The following SERHL2 variants were observed in gnomAD, a reference collection of about 807,000 sequenced individuals.
The protein encoded by SERHL2 is serine hydrolase-like protein 2.
A neutral mutation model predicts 25.5 loss-of-function variants in SERHL2; 29 were observed. That is an observed-to-expected ratio of 1.14 (90% CI 0.85 to 1.55). The LOEUF (loss-of-function observed/expected upper bound fraction) is 1.55. Among genes scored for constraint, SERHL2 ranks in the 40% most tolerant of loss-of-function variants. SERHL2 has a pLI of 0.00. For synonymous variants in SERHL2, 95 were observed against 103.5 expected (o/e 0.92, Z 0.50); for missense variants, 240 against 252.3 (o/e 0.95, Z 0.33).
intron 9 of SERHL2, among the ~76,000 whole-genome samples, chr22:42,567,999 G>C (rs1234263236): frequency 6.6e-6 from 1 of 151,644 alleles, no homozygotes; most frequent in Non-Finnish European, 1.5e-5. Context: ...CAAAGTGCTG[G>C]GATTACAGGC....
intron 9 of SERHL2, among the ~76,000 whole-genome samples, chr22:42,567,941 G>T (rs1923634483): frequency 1.3e-5 from 2 of 151,602 alleles, no homozygotes; most frequent in South Asian, 4.2e-4. Flanking sequence ...TGTTGTCCAG[G>T]CTGGTCTCGA....
At chr22:42,560,737 T>A (rs1476518217) in intron 8 of SERHL2, among the ~76,000 whole-genome samples, 2 of 151,902 alleles carry the variant, frequency 1.3e-5, no homozygotes, top group East Asian at 1.9e-4. Context: ...TTTTTTTCTT[T>A]CGTTCTTTTT....
intron 1 of SERHL2, among the ~76,000 whole-genome samples, chr22:42,554,460 G>A (rs1921986784): frequency 6.6e-6 from 1 of 152,176 alleles, no homozygotes; most frequent in Admixed American, 6.5e-5. Context: ...CCTGCTCTGT[G>A]GAGGGAGAGT....
chr22:42,554,496 A>G (rs1316313152), intron 1 of SERHL2, among the ~76,000 whole-genome samples: 56 of 152,290 alleles, frequency 3.7e-4, no homozygotes, highest in East Asian at 7.7e-4. Context: ...TGCTGCGTGT[A>G]TGAGGGTTTG....
rs779597291 is a variant in SERHL2 at position 42,574,044 on chromosome 22, G to A, written c.934G>A (p.Ala312Thr). Residue 312 changes from alanine (A) to threonine (T), a missense_variant, in exon 12 of 12, where the codon GCC (alanine) becomes ACC (threonine). Ala to Thr is a moderately conservative substitution (Grantham distance 58). Coordinates refer to ENST00000327678, the MANE Select transcript of SERHL2 (RefSeq NM_014509.5). ...CTTACAGTGCACACACATGCTCCCA[G>A]CCCAGCTGTAGCTCTGGGCCTGGAA... ...SFLQCTHMLPAQL is the reference protein window; with the variant it reads ...SFLQCTHMLPTQL The A allele has an allele frequency of 1.4e-5, 22 of 1,611,770 alleles. No individual in the cohort carries two copies. In the Admixed American group the frequency reaches 2.8e-4, roughly 21 times the overall value.
intron 8 of SERHL2, among the ~76,000 whole-genome samples, chr22:42,561,914 G>A (rs1569276316): frequency 6.6e-6 from 1 of 151,814 alleles, no homozygotes; most frequent in Non-Finnish European, 1.5e-5. Flanking sequence ...GGAGCCCCAG[G>A]CACAGAAGTG....
intron 9 of SERHL2, among the ~76,000 whole-genome samples, chr22:42,570,720 T>A (rs955171211): frequency 6.6e-6 from 1 of 152,158 alleles, no homozygotes; most frequent in Non-Finnish European, 1.5e-5. Flanking sequence ...TGTCCCAGGC[T>A]GGCAGGGGAC....
chr22:42,562,192 C>T (rs1004071884), intron 8 of SERHL2, among the ~76,000 whole-genome samples: 3 of 151,818 alleles, frequency 2.0e-5, no homozygotes, highest in African/African-American at 7.3e-5. Flanking sequence ...CAGAACCCCC[C>T]ACCCAGTGCC....
rs778326624 is a variant in SERHL2, at chr22:42,560,198, C to G, written c.546C>G (p.Ser182Arg). The change falls in exon 8 of 12, where the codon AGC becomes AGG. Residue 182 changes from serine (S) to arginine (R), a missense_variant. Transcript: ENST00000327678. ...LKQLLQRLLK[S>R]NSHLSEECGE... ...TGTCTCCCCCCAGGTTACTGAAGAG[C>G]AATAGCCACTTGAGTGAGGAGTGCG... 1.2e-6 allele frequency: 2 copies of G among 1,612,224 alleles called. No homozygotes were observed. Among genetic ancestry groups the G allele is most frequent in the Admixed American group, 3.3e-5 (2 of 60,012 alleles).
chr22:42,567,623 C>T (rs1393144330), intron 9 of SERHL2, among the ~76,000 whole-genome samples: 1 of 151,342 alleles, frequency 6.6e-6, no homozygotes, highest in Non-Finnish European at 1.5e-5. Flanking sequence ...GAGATTGCGC[C>T]ACTGCAGTTC....
chr22:42,556,451 G>A (rs578026652), intron 5 of SERHL2, 63 bp from the exon 6 acceptor site: 1 of 1,608,104 alleles, frequency 6.2e-7, no homozygotes, highest in Admixed American at 1.7e-5. Context: ...GGTCCCCAGG[G>A]AAAGGCGGGA....
chr22:42,573,792 C>A (rs906572637), intron 11 of SERHL2, 144 bp from the exon 12 acceptor site: 55 of 798,092 alleles, frequency 6.9e-5, no homozygotes, highest in Non-Finnish European at 1.0e-4. Context: ...CTCCAAGGAG[C>A]CGAGTGTGGG....
intron 8 of SERHL2, among the ~76,000 whole-genome samples, chr22:42,561,282 C>T (rs8135177): frequency 0.14 from 21,734 of 151,698 alleles, 2,841 homozygotes; most frequent in East Asian, 0.6. Context: ...ATGTGCTAAG[C>T]TGGGCAACAC....
At chr22:42,573,797 T>C in intron 11 of SERHL2, 139 bp from the exon 12 acceptor site, 1 of 806,742 alleles carries the variant, frequency 1.2e-6, no homozygotes, top group Admixed American at 2.3e-5. Flanking sequence ...AGGAGCCGAG[T>C]GTGGGGGAAA....
chr22:42,567,944 G>A (rs1227139846), intron 9 of SERHL2, among the ~76,000 whole-genome samples: 1 of 151,496 alleles, frequency 6.6e-6, no homozygotes, highest in Admixed American at 6.6e-5. Context: ...TGTCCAGGCT[G>A]GTCTCGAACT....
intron 8 of SERHL2, among the ~76,000 whole-genome samples, chr22:42,563,190 CTT>C (rs754138896): frequency 2.9e-4 from 28 of 97,884 alleles, no homozygotes; most frequent in Non-Finnish European, 2.9e-4. Context: ...TTCTTTTTTT[CTT>C]TTTTTTTTTT....
intron 10 of SERHL2, 124 bp from the exon 11 acceptor site, chr22:42,572,312 T>G: frequency 1.5e-6 from 1 of 651,374 alleles, no homozygotes; most frequent in East Asian, 2.8e-5. Context: ...GACCCAGCTG[T>G]GGGAGTTGGG....
chr22:42,571,301 C>T (rs1383131462), intron 10 of SERHL2, 98 bp downstream of exon 10: 8 of 1,573,316 alleles, frequency 5.1e-6, no homozygotes, highest in South Asian at 1.1e-5. Flanking sequence ...AAGTTCTCTG[C>T]GTGTCGACCA....
Position 42,574,027 on chromosome 22 carries a change from GCA to G in SERHL2, c.924_925del (p.Met309AlafsTer13), listed in dbSNP as rs764870324. The G allele has an allele frequency of 6.2e-7, 1 of 1,611,092 alleles. No individual in the cohort carries two copies. The highest frequency in any genetic ancestry group is 1.7e-5 in the Admixed American group (1 of 59,902). ...AGTATCATCAGCTCCTTCTTACAGT[GCA>G]CACACATGCTCCCAGCCCAGCTGTA... On this transcript the variant is annotated frameshift_variant, in exon 12 of 12. Coordinates refer to ENST00000327678, the MANE Select transcript of SERHL2 (RefSeq NM_014509.5). LOFTEE classifies it low-confidence loss of function (END_TRUNC).
Sources: allele counts gnomAD v4.1 joint callset (sites outside exome capture counted in the v4.1 genomes callset), GRCh38; gene constraint gnomAD v4.1.1; transcripts MANE v1.5; gene names NCBI Gene and HGNC (gene_info 2026-07-23, HGNC 2026-07-21).